The following ANKS1B variants were observed in gnomAD, a reference collection of about 807,000 sequenced individuals.
ANKS1B encodes the protein ankyrin repeat and sterile alpha motif domain-containing protein 1B.
A neutral mutation model predicts 148.3 loss-of-function variants in ANKS1B; 36 were observed. The ratio of observed to expected loss-of-function variants is 0.24; its 90% CI spans 0.19 to 0.32. The LOEUF (loss-of-function observed/expected upper bound fraction) is 0.32, where lower values mean the gene tolerates loss of function less well. Among genes scored for constraint, ANKS1B ranks in the 10% least tolerant of loss-of-function variants. The pLI, the probability that ANKS1B is intolerant of heterozygous loss-of-function variation, is 1.00. For synonymous variants in ANKS1B, 542 were observed against 560.8 expected (o/e 0.97, Z 0.47); for missense variants, 1,157 against 1,542.6 (o/e 0.75, Z 4.19).
At chr12:99,113,978 T>A (rs1280791750) in intron 15 of ANKS1B, among the ~76,000 whole-genome samples, 1 of 152,232 alleles carries the variant, frequency 6.6e-6, no homozygotes, top group Non-Finnish European at 1.5e-5. Flanking sequence ...ACACACACTT[T>A]TGGACTTTTA....
intron 12 of ANKS1B, among the ~76,000 whole-genome samples, chr12:99,345,441 A>T (rs892236068): frequency 3.3e-5 from 5 of 152,036 alleles, no homozygotes; most frequent in Admixed American, 1.3e-4. Flanking sequence ...ACGTTAGTAT[A>T]GTTTATGAGG....
chr12:98,983,068 A>C (rs1408487576), intron 17 of ANKS1B, among the ~76,000 whole-genome samples: 2 of 152,228 alleles, frequency 1.3e-5, no homozygotes, highest in Non-Finnish European at 2.9e-5. Flanking sequence ...AATTGTCACA[A>C]ATTTACTGGC....
At chr12:99,163,654 A>T (rs939269069) in intron 14 of ANKS1B, among the ~76,000 whole-genome samples, 1 of 152,050 alleles carries the variant, frequency 6.6e-6, no homozygotes, top group Non-Finnish European at 1.5e-5. Flanking sequence ...ACCCCTGGCA[A>T]CTACTGATCT....
In ANKS1B at chr12:99,281,293, T is replaced by C. The variant is rs577714178; in HGVS notation, c.1757-34429A>G. On this transcript the variant is annotated intron_variant, in intron 12 of 26. Coordinates refer to ENST00000683438, the MANE Select transcript of ANKS1B (RefSeq NM_001352186.2). The stretch of plus-strand genomic sequence containing the variant: ...GCATTTATTACATGCTAGATTTTTA[T>C]GAAATTGAAGGGTAATTCACTCAAG... 1.7e-3 allele frequency among the ~76,000 whole-genome samples: 263 copies of C among 152,354 alleles called. 2 individuals carry two copies. Among genetic ancestry groups the C allele is most frequent in the Admixed American group, 3.4e-3 (52 of 15,292 alleles).
At chr12:99,397,819 T>C (rs1243256352) in intron 12 of ANKS1B, among the ~76,000 whole-genome samples, 1 of 152,164 alleles carries the variant, frequency 6.6e-6, no homozygotes, top group Non-Finnish European at 1.5e-5. Flanking sequence ...TTATAATTCT[T>C]ATCACGTTGA....
chr12:99,452,685 G>A (rs1420190834), intron 10 of ANKS1B, among the ~76,000 whole-genome samples: 1 of 152,090 alleles, frequency 6.6e-6, no homozygotes, highest in Non-Finnish European at 1.5e-5. Context: ...TACCACTTGA[G>A]GAAGATAATA....
chr12:99,961,923 T>C (rs928794184), intron 1 of ANKS1B, among the ~76,000 whole-genome samples: 3 of 152,124 alleles, frequency 2.0e-5, no homozygotes, highest in African/African-American at 4.8e-5. Context: ...TACAAATACT[T>C]TGAAATACTG....
chr12:99,058,925 G>A (rs1018152202), intron 16 of ANKS1B, among the ~76,000 whole-genome samples: 3 of 150,984 alleles, frequency 2.0e-5, no homozygotes, highest in African/African-American at 7.3e-5. Context: ...TTTTAGTAGA[G>A]ACGGGGTTTC....
chr12:99,529,811 TC>T (rs1379645449), intron 9 of ANKS1B, among the ~76,000 whole-genome samples: 1 of 149,754 alleles, frequency 6.7e-6, no homozygotes, highest in Admixed American at 6.6e-5. Context: ...ATCTCCAAAC[TC>T]CCATCTAATT....
chr12:99,772,995 A>G lies in ANKS1B; in HGVS notation c.1055T>C (p.Ile352Thr), dbSNP rs749124701. The G allele has an allele frequency of 6.2e-7, 1 of 1,612,792 alleles. No homozygotes were observed. The highest frequency in any genetic ancestry group is 1.7e-5 in the Admixed American group (1 of 59,972). ...CAAATTATCTAAGTAGTGGTCTGATATTGTGTGGCACAAGTCTTCAAACGA... is the reference window on the plus strand; with the variant it reads ...CAAATTATCTAAGTAGTGGTCTGATGTTGTGTGGCACAAGTCTTCAAACGA... ...DYSFEDLCHT[I>T]SDHYLDNLSK... The change falls in exon 8 of 27, where the codon ATA (isoleucine) becomes ACA (threonine). Residue 352 changes from isoleucine (I) to threonine (T), a missense_variant. By Grantham distance (89) the Ile-to-Thr change is moderately conservative. This residue lies in a region of ANKS1B where 661 missense variants were observed against 642.1 expected (regional missense o/e 1.03). Coordinates refer to ENST00000683438, the MANE Select transcript of ANKS1B (RefSeq NM_001352186.2).
intron 1 of ANKS1B, among the ~76,000 whole-genome samples, chr12:99,888,850 T>C (rs746717023): frequency 6.6e-6 from 1 of 152,120 alleles, no homozygotes; most frequent in Non-Finnish European, 1.5e-5. Context: ...CAATAACTAT[T>C]TGTTTCAAAT....
intron 10 of ANKS1B, among the ~76,000 whole-genome samples, chr12:99,496,667 G>A (rs766738643): frequency 6.6e-6 from 1 of 152,148 alleles, no homozygotes; most frequent in African/African-American, 2.4e-5. Flanking sequence ...AAATCTTGCT[G>A]AATACAGATC....
intron 19 of ANKS1B, among the ~76,000 whole-genome samples, chr12:98,815,776 C>A (rs868799097): frequency 6.6e-6 from 1 of 152,144 alleles, no homozygotes; most frequent in Non-Finnish European, 1.5e-5. Flanking sequence ...TCTAAAATTT[C>A]ACCTTCCTGT....
In ANKS1B at chr12:99,330,187, T is replaced by C. The variant is rs192650602; in HGVS notation, c.1756+69444A>G. Among the ~76,000 whole-genome samples, 12 of 152,096 alleles carry C rather than the reference T, an allele frequency of 7.9e-5. No individual in the cohort carries two copies. In the East Asian group the frequency reaches 2.1e-3, roughly 27 times the overall value. On this transcript the variant is annotated intron_variant, in intron 12 of 26. Coordinates refer to ENST00000683438, the MANE Select transcript of ANKS1B (RefSeq NM_001352186.2). ...CTATGGACTAGGGTAAAGCCTGTGG[T>C]ACAACTTAATGGAAGAAATATTTTC...
At chr12:98,887,698 C>G (rs1596302835) in intron 17 of ANKS1B, among the ~76,000 whole-genome samples, 1 of 151,980 alleles carries the variant, frequency 6.6e-6, no homozygotes, top group East Asian at 1.9e-4. Flanking sequence ...ACCTCTGTCT[C>G]CTGGGTTCAT....
At chr12:99,510,071 A>G (rs2096749141) in intron 9 of ANKS1B, among the ~76,000 whole-genome samples, 2 of 152,136 alleles carry the variant, frequency 1.3e-5, no homozygotes, top group Non-Finnish European at 1.5e-5. Flanking sequence ...TTTTAAGCCC[A>G]CTATTGAGAC....
At chr12:99,844,440 T>G in intron 1 of ANKS1B, among the ~76,000 whole-genome samples, 1 of 152,184 alleles carries the variant, frequency 6.6e-6, no homozygotes, top group East Asian at 1.9e-4. Context: ...AGGGGTCCAG[T>G]TTCAATTTTC....
intron 14 of ANKS1B, among the ~76,000 whole-genome samples, chr12:99,193,672 A>T (rs2081021229): frequency 6.6e-6 from 1 of 151,992 alleles, no homozygotes; most frequent in African/African-American, 2.4e-5. Context: ...CTTTCCTAGA[A>T]TACTCAATAC....
At chr12:99,956,729 A>T (rs2095329686) in intron 1 of ANKS1B, among the ~76,000 whole-genome samples, 1 of 152,188 alleles carries the variant, frequency 6.6e-6, no homozygotes. Context: ...AGTTGTTTTA[A>T]TGTCACCCTT....
Sources: allele counts gnomAD v4.1 joint callset (sites outside exome capture counted in the v4.1 genomes callset), GRCh38; gene constraint gnomAD v4.1.1; regional missense constraint gnomAD v4.1.1; transcripts MANE v1.5; gene names NCBI Gene and HGNC (gene_info 2026-07-23, HGNC 2026-07-21).